Variants in ALDH5A1 observed in about 807,000 individuals in gnomAD.
The protein encoded by ALDH5A1 is aldehyde dehydrogenase 5 family member A1.
ALDH5A1 carries 33 observed loss-of-function variants against 54.7 expected under a neutral mutation model. The observed-to-expected ratio is 0.60, with a 90% confidence interval of 0.46 to 0.81. ALDH5A1 has a LOEUF of 0.81. ALDH5A1 is among the 30% of genes least tolerant of loss of function. The pLI, the probability that ALDH5A1 is intolerant of heterozygous loss-of-function variation, is 0.00. For missense variants in ALDH5A1, 657 were observed against 711.0 expected (o/e 0.92, Z 0.86); for synonymous variants, 294 against 292.7 (o/e 1.00, Z -0.05).
chr6:24,504,983 G>A lies in ALDH5A1; in HGVS notation c.724G>A (p.Glu242Lys), dbSNP rs1238567086. ...GCCCTTCTCCGCCCTGGCCCTGGCT[G>A]AGGTGAGCCGCTCTCCCTGTGTTTG... is the stretch of plus-strand genomic sequence containing the variant. The part of the protein sequence containing the change: ...DTPFSALALA[E>K]LASQAGIPSG... Residue 242 changes from glutamate (E) to lysine (K), a missense_variant and splice_region_variant, in exon 4 of 10, where the codon GAG (glutamate) becomes AAG (lysine). Physicochemically the swap from Glu to Lys is moderately conservative, Grantham distance 56. This residue lies in a region of ALDH5A1 where 425 missense variants were observed against 516.4 expected (regional missense o/e 0.82). Transcript: ENST00000357578. 4.3e-6 allele frequency: 7 copies of A among 1,613,766 alleles called. No homozygotes were observed. The South Asian group carries it at 7.7e-5, about 18-fold the overall frequency.
In ALDH5A1 at chr6:24,495,260, C is replaced by A. The variant is rs759932020; in HGVS notation, c.264C>A (p.Gly88=). ...ACCCGGCCAGCGGCGCCGCTCTGGG[C>A]ATGGTAGCCGACTGCGGGGTGCGAG... is the stretch of plus-strand genomic sequence containing the variant. ...VQDPASGAAL[G]MVADCGVREA... The change falls in exon 1 of 10, where the codon GGC becomes GGA. Residue 88 remains glycine (G), a synonymous_variant. Coordinates refer to ENST00000357578, the MANE Select transcript of ALDH5A1 (RefSeq NM_001080.3). 9.8e-6 allele frequency: 15 copies of A among 1,532,268 alleles called. No individual in the cohort carries two copies. The African/African-American group carries it at 1.2e-4, about 13-fold the overall frequency. 94.9% of individuals were successfully genotyped at this position (1,532,268 alleles called of 1,614,324 possible). A position where few individuals can be genotyped will look rare whatever the true frequency, so the allele number is the denominator to read the frequency against.
chr6:24,524,847 T>A (rs1759771204), intron 7 of ALDH5A1, among the ~76,000 whole-genome samples: 1 of 152,150 alleles, frequency 6.6e-6, no homozygotes, highest in African/African-American at 2.4e-5. Flanking sequence ...CTGGGACCCA[T>A]CCAAGAAGAC....
chr6:24,513,498 G>A (rs921941367), intron 4 of ALDH5A1, among the ~76,000 whole-genome samples: 12 of 152,212 alleles, frequency 7.9e-5, no homozygotes, highest in Non-Finnish European at 1.8e-4. Context: ...CCTTCACAGT[G>A]TACCTTTTGC....
At chr6:24,516,742 C>A (rs807512) in intron 5 of ALDH5A1, among the ~76,000 whole-genome samples, 131,237 of 151,616 alleles carry the variant, frequency 0.87, 57,480 homozygotes, top group Non-Finnish European at 0.91. Context: ...CCTAGACAAC[C>A]TGGTGAAACC....
rs1180178776 is a variant in ALDH5A1 at position 24,522,743 on chromosome 6, GGTTT to G, written c.1015-19_1015-16del. ...TCTGCAGCTTCTGACAGACTGTGTG[GGTTT>G]GTTTTTGTCTCCTGTCCAGACTTGT... is the stretch of plus-strand genomic sequence containing the variant. On this transcript the variant is annotated intron_variant, in intron 6 of 9. Transcript: ENST00000357578. 1 of 1,612,984 alleles carries G rather than the reference GGTTT, an allele frequency of 6.2e-7. No homozygotes were observed. The highest frequency in any genetic ancestry group is 8.5e-7 in the Non-Finnish European group (1 of 1,179,448).
chr6:24,499,668 C>CT (rs869265243), intron 1 of ALDH5A1, among the ~76,000 whole-genome samples: 2,814 of 66,686 alleles, frequency 0.042, 85 homozygotes, highest in African/African-American at 0.14. Context: ...AATTTCTTTT[C>CT]TTTTTTTTTT....
At chr6:24,498,342 T>C (rs1304148746) in intron 1 of ALDH5A1, among the ~76,000 whole-genome samples, 1 of 152,124 alleles carries the variant, frequency 6.6e-6, no homozygotes, top group Non-Finnish European at 1.5e-5. Context: ...CTTACAGCTA[T>C]GGAAATGGTG....
rs1392265660 is a variant in ALDH5A1, at chr6:24,515,374, A to C, written c.870+64A>C. On this transcript the variant is annotated intron_variant, in intron 5 of 9. Transcript: ENST00000357578. ...TAATATTTTATCTTGATAGGTTATA[A>C]AAATACTATTTCATCCTGATCACCA... is the stretch of plus-strand genomic sequence containing the variant. The C allele has an allele frequency of 3.2e-6, 5 of 1,567,774 alleles. No homozygotes were observed. In the Admixed American group the frequency reaches 8.4e-5, roughly 26 times the overall value.
Position 24,533,663 on chromosome 6 carries a change from G to A in ALDH5A1, c.1559G>A (p.Gly520Asp). 1 of 1,614,142 alleles carries A rather than the reference G, an allele frequency of 6.2e-7. No individual in the cohort carries two copies. The highest frequency in any genetic ancestry group is 8.5e-7 in the Non-Finnish European group (1 of 1,180,008). The change falls in exon 10 of 10, where the codon GGC (glycine) becomes GAC (aspartate). Residue 520 changes from glycine to aspartate, a missense_variant. Physicochemically the swap from Gly to Asp is moderately conservative, Grantham distance 94. Transcript: ENST00000357578. ...SGLGREGSKY[G>D]IDEYLELKYV... ...CTTGGGCGAGAGGGGTCCAAGTATG[G>A]CATTGATGAGTATCTGGAACTCAAG...
At position 24,535,426 on chromosome 6, in the gene ALDH5A1, AAT is replaced by A. The variant is rs1760026823; in HGVS notation, c.*1715_*1716del. 6.6e-6 allele frequency: 1 copy of A among 152,158 alleles called. No homozygotes were observed. The highest frequency in any genetic ancestry group is 2.1e-4 in the South Asian group (1 of 4,818). The allele number at this position is 152,158 out of a possible 1,614,324, so 9.4% of individuals were successfully genotyped here. A position where few individuals can be genotyped will look rare whatever the true frequency, so the allele number is the denominator to read the frequency against. ...TCACATACTCAGCATTTTGACAGTT[AAT>A]GTCTTCTCTTTATTTGTGTAGTTTT... On this transcript the variant is annotated 3_prime_UTR_variant, in exon 10 of 10. Coordinates refer to ENST00000357578, the MANE Select transcript of ALDH5A1 (RefSeq NM_001080.3).
chr6:24,530,831 G>C (rs1177632514), intron 8 of ALDH5A1, among the ~76,000 whole-genome samples: 4 of 152,214 alleles, frequency 2.6e-5, no homozygotes, highest in Non-Finnish European at 5.9e-5. Flanking sequence ...TAGCAATGTC[G>C]CATTGATCCA....
chr6:24,529,926 C>G (rs1759896828), intron 8 of ALDH5A1, among the ~76,000 whole-genome samples: 1 of 152,192 alleles, frequency 6.6e-6, no homozygotes, highest in Non-Finnish European at 1.5e-5. Context: ...CCCGCCTCAG[C>G]ATCCCAAAGG....
intron 4 of ALDH5A1, among the ~76,000 whole-genome samples, chr6:24,508,934 A>G (rs754218002): frequency 1.3e-5 from 2 of 151,888 alleles, no homozygotes; most frequent in African/African-American, 2.4e-5. Flanking sequence ...AGAATTGTCT[A>G]TTATGTTCTT....
rs2817230 is a variant in ALDH5A1, at chr6:24,514,848, C to T, written c.727-319C>T. 2.6e-4 allele frequency among the ~76,000 whole-genome samples: 39 copies of T among 152,188 alleles called. 1 individual carries two copies. The highest frequency in any genetic ancestry group is 9.4e-4 in the African/African-American group (39 of 41,544). Reference sequence around the variant, plus strand: ...AGTGCAGTGGCGCAACCTTGGCTCACTGCAACCTCCACCTCCTGGGCTCAA... The same window carrying T: ...AGTGCAGTGGCGCAACCTTGGCTCATTGCAACCTCCACCTCCTGGGCTCAA... On this transcript the variant is annotated intron_variant, in intron 4 of 9. Coordinates refer to ENST00000357578, the MANE Select transcript of ALDH5A1 (RefSeq NM_001080.3).
chr6:24,511,964 G>C (rs1581813021), intron 4 of ALDH5A1: 1 of 477,208 alleles, frequency 2.1e-6, no homozygotes, highest in Non-Finnish European at 3.7e-6. Context: ...GGTAGGCTCT[G>C]TCAGAGGGAA....
chr6:24,526,105 C>T (rs1759793205), intron 7 of ALDH5A1, among the ~76,000 whole-genome samples: 1 of 152,152 alleles, frequency 6.6e-6, no homozygotes, highest in Non-Finnish European at 1.5e-5. Flanking sequence ...AAGCTTAAAA[C>T]AGCAAAGACC....
intron 8 of ALDH5A1, among the ~76,000 whole-genome samples, chr6:24,530,129 C>T (rs1029827041): frequency 1.3e-5 from 2 of 151,918 alleles, no homozygotes; most frequent in Admixed American, 6.6e-5. Context: ...CTCTTCATTC[C>T]ATCTCTTCAT....
At chr6:24,508,256 G>T (rs1297560251) in intron 4 of ALDH5A1, among the ~76,000 whole-genome samples, 2 of 150,272 alleles carry the variant, frequency 1.3e-5, no homozygotes, top group African/African-American at 4.9e-5. Flanking sequence ...CCTGCTACTT[G>T]GGAGGCTGAG....
intron 4 of ALDH5A1, chr6:24,511,876 CAT>C: frequency 3.4e-6 from 2 of 596,490 alleles, no homozygotes; most frequent in Non-Finnish European, 6.1e-6. Context: ...TTGGTGAGCT[CAT>C]GTGATTTTTG....
Sources: gnomAD v4.1 joint callset for allele counts (sites outside exome capture counted in the v4.1 genomes callset) on GRCh38, gnomAD v4.1.1 for gene constraint, gnomAD v4.1.1 regional missense constraint, MANE v1.5 for transcripts, NCBI Gene and HGNC (gene_info 2026-07-23, HGNC 2026-07-21) for gene names.